The following FANCL variants were observed in gnomAD, a reference collection of about 807,000 sequenced individuals.
FANCL encodes E3 ubiquitin-protein ligase FANCL.
Under a neutral mutation model 59.4 loss-of-function variants are expected in FANCL, and 69 were observed. That is an observed-to-expected ratio of 1.16 (90% CI 0.96 to 1.42). FANCL has a LOEUF of 1.42. FANCL is among the 40% of genes most tolerant of loss of function. FANCL has a pLI of 0.00. For synonymous variants in FANCL, 180 were observed against 147.1 expected, an observed-to-expected ratio of 1.22 and a Z score of -1.62; for missense variants, 519 against 447.2, an observed-to-expected ratio of 1.16 and a Z score of -1.45.
At chr2:58,232,330 G>A (rs1693662515) in intron 1 of FANCL, among the ~76,000 whole-genome samples, 1 of 152,006 alleles carries the variant, frequency 6.6e-6, no homozygotes, top group African/African-American at 2.4e-5. Flanking sequence ...TAGTTACTGG[G>A]AAATCAAAAC....
rs200559825 is a variant in FANCL at position 58,241,293 on chromosome 2, G to A, written c.21C>T (p.Ser7=). The A allele has an allele frequency of 7.4e-5, 119 of 1,614,244 alleles. No homozygotes were observed. The highest frequency in any genetic ancestry group is 1.3e-5 in the African/African-American group (1 of 75,086). MAVTEA[S]LLRQCPLLLP... ...GAAGCAGGGGGCACTGGCGCAACAG[G>A]CTCGCTTCCGTCACCGCCATGGCTC... Residue 7 remains serine, a synonymous_variant, in exon 1 of 14, where the codon AGC becomes AGT. Transcript: ENST00000233741.
chr2:58,241,352 T>G (rs41281511), upstream of FANCL: 2,918 of 1,594,112 alleles, frequency 1.8e-3, 6 homozygotes, highest in Non-Finnish European at 2.4e-3. Flanking sequence ...GCTCTAGACC[T>G]GCTGGGTCCT....
intron 7 of FANCL, among the ~76,000 whole-genome samples, chr2:58,193,364 C>T (rs931481892): frequency 5.3e-5 from 8 of 151,946 alleles, no homozygotes; most frequent in Non-Finnish European, 2.9e-5. Context: ...ATTTTAGTTG[C>T]TTGTATTTTT....
intron 7 of FANCL, among the ~76,000 whole-genome samples, chr2:58,179,100 A>G (rs1687660773): frequency 1.3e-5 from 2 of 152,222 alleles, no homozygotes; most frequent in African/African-American, 4.8e-5. Flanking sequence ...AACAAATGGA[A>G]AAACATTCCA....
At chr2:58,205,226 G>C (rs1187836047) in intron 5 of FANCL, among the ~76,000 whole-genome samples, 1 of 151,652 alleles carries the variant, frequency 6.6e-6, no homozygotes, top group Non-Finnish European at 1.5e-5. Flanking sequence ...TGATAACATG[G>C]GCTAATTTCA....
intron 7 of FANCL, among the ~76,000 whole-genome samples, chr2:58,175,519 A>G (rs1162819801): frequency 6.6e-6 from 1 of 152,066 alleles, no homozygotes; most frequent in African/African-American, 2.4e-5. Flanking sequence ...CATAAACAGA[A>G]CCAAAGACAA....
chr2:58,161,681 A>G, intron 11 of FANCL, 43 bp from the exon 12 acceptor site: 2 of 1,294,824 alleles, frequency 1.5e-6, no homozygotes, highest in South Asian at 1.2e-5. Context: ...GTGTCTCACT[A>G]ACTTATTCGT....
rs555473319 is a variant in FANCL, at chr2:58,164,512, G to A, written c.692-995C>T. Reference sequence around the variant, plus strand: ...TAATGGCTCCAGACAGTACTTTCACGTAATATGGGCATATTAACTAATTTT... The same window carrying A: ...TAATGGCTCCAGACAGTACTTTCACATAATATGGGCATATTAACTAATTTT... On this transcript the variant is annotated intron_variant, in intron 8 of 13. Coordinates refer to ENST00000233741, the MANE Select transcript of FANCL (RefSeq NM_018062.4). 3.3e-5 allele frequency among the ~76,000 whole-genome samples: 5 copies of A among 151,978 alleles called. No individual in the cohort carries two copies. The South Asian group carries it at 8.3e-4, about 25-fold the overall frequency.
At chr2:58,198,389 T>C (rs896754488) in intron 7 of FANCL, among the ~76,000 whole-genome samples, 4 of 152,090 alleles carry the variant, frequency 2.6e-5, no homozygotes, top group African/African-American at 9.7e-5. Flanking sequence ...TTGTATTAGG[T>C]ATTATAATCT....
At chr2:58,230,648 C>T (rs188488574) in intron 2 of FANCL, among the ~76,000 whole-genome samples, 6 of 152,260 alleles carry the variant, frequency 3.9e-5, no homozygotes, top group African/African-American at 1.4e-4. Flanking sequence ...TTCAAACTGT[C>T]ACAACTCTCT....
chr2:58,224,239 T>C (rs1426588778), intron 4 of FANCL, among the ~76,000 whole-genome samples: 1 of 151,826 alleles, frequency 6.6e-6, no homozygotes, highest in African/African-American at 2.4e-5. Flanking sequence ...TTTACTCTGG[T>C]TCCCTTAGTC....
At chr2:58,210,316 C>T (rs1691006409) in intron 5 of FANCL, among the ~76,000 whole-genome samples, 1 of 152,084 alleles carries the variant, frequency 6.6e-6, no homozygotes, top group Middle Eastern at 3.2e-3. Flanking sequence ...ACACGGATGG[C>T]AGCAAAGACA....
chr2:58,177,222 G>C (rs1046126299), intron 7 of FANCL, among the ~76,000 whole-genome samples: 1 of 152,152 alleles, frequency 6.6e-6, no homozygotes, highest in African/African-American at 2.4e-5. Flanking sequence ...AGTCAGTGTG[G>C]CGATTCCTCA....
intron 5 of FANCL, among the ~76,000 whole-genome samples, chr2:58,210,643 C>A (rs972948484): frequency 6.6e-6 from 1 of 152,114 alleles, no homozygotes; most frequent in East Asian, 1.9e-4. Context: ...AAGTCTCTTC[C>A]ACCGATGAGC....
chr2:58,217,148 T>C (rs1370595700), intron 5 of FANCL, among the ~76,000 whole-genome samples: 2 of 89,458 alleles, frequency 2.2e-5, no homozygotes, highest in African/African-American at 3.2e-5. Flanking sequence ...TATAGATTTA[T>C]ATATATATTT....
intron 1 of FANCL, among the ~76,000 whole-genome samples, chr2:58,232,864 G>C (rs1412377976): frequency 6.6e-6 from 1 of 151,740 alleles, no homozygotes; most frequent in Non-Finnish European, 1.5e-5. Context: ...AGCAGAAAAA[G>C]ACAAACAGAA....
At chr2:58,186,772 C>T (rs545544569) in intron 7 of FANCL, among the ~76,000 whole-genome samples, 26 of 152,222 alleles carry the variant, frequency 1.7e-4, no homozygotes, top group Admixed American at 2.6e-4. Flanking sequence ...GTGGCGGAAC[C>T]GCAGTGAATT....
intron 9 of FANCL, 141 bp downstream of exon 9, chr2:58,163,278 GCCATTACACTACATA>G: frequency 1.4e-6 from 1 of 726,914 alleles, no homozygotes. Context: ...CCGAGATCGC[GCCATTACACTACATA>G]CTGGGCAACA....
intron 12 of FANCL, 58 bp downstream of exon 12, chr2:58,161,464 G>A (rs1685148193): frequency 1.9e-6 from 2 of 1,056,830 alleles, no homozygotes; most frequent in Non-Finnish European, 3.0e-6. Context: ...TTTCAAACAG[G>A]AATACTTCCT....
Sources: gnomAD v4.1 joint callset for allele counts (sites outside exome capture counted in the v4.1 genomes callset) on GRCh38, gnomAD v4.1.1 for gene constraint, MANE v1.5 for transcripts, NCBI Gene and HGNC (gene_info 2026-07-23, HGNC 2026-07-21) for gene names.